Variants in CCDC15 observed in about 807,000 individuals in gnomAD.
CCDC15 encodes coiled-coil domain-containing protein 15.
Under a neutral mutation model 114.5 loss-of-function variants are expected in CCDC15, and 105 were observed. The ratio of observed to expected loss-of-function variants is 0.92; its 90% CI spans 0.78 to 1.08. The LOEUF is 1.08. CCDC15 is among the 50% of genes least tolerant of loss of function. The probability of loss-of-function intolerance (pLI) is 0.00; values close to 1 mark genes in which losing one functional copy is unlikely to be tolerated. For synonymous variants in CCDC15, 334 were observed against 377.8 expected (o/e 0.88, Z 1.34); for missense variants, 1,105 against 1,093.6 (o/e 1.01, Z -0.15).
rs776634920 is a variant in CCDC15, at chr11:124,987,433, G to A, written c.1207G>A (p.Gly403Arg). The A allele has an allele frequency of 6.2e-7, 1 of 1,613,952 alleles. No individual in the cohort carries two copies. The highest frequency in any genetic ancestry group is 1.1e-5 in the South Asian group (1 of 91,080). Residue 403 changes from glycine to arginine, a missense_variant, in exon 8 of 16, where the codon GGG becomes AGG. Gly to Arg is a moderately radical substitution (Grantham distance 125, BLOSUM62 -2). Coordinates refer to ENST00000344762, the MANE Select transcript of CCDC15 (RefSeq NM_025004.3). ...LKAQSIELEE[G>R]SIVLKTQDFL... ...AGCCCAGAGTATTGAGCTAGAAGAA[G>A]GGAGTATTGTGTTGAAAACCCAGGA...
rs114119497 is a variant in CCDC15, at chr11:125,007,514, T to G, written c.2411+2302T>G. Among the ~76,000 whole-genome samples the G allele has an allele frequency of 9.7e-3, 1,474 of 152,334 alleles. 19 individuals are homozygous for G. Among genetic ancestry groups the G allele is most frequent in the African/African-American group, 0.034 (1,405 of 41,576 alleles). On this transcript the variant is annotated intron_variant, in intron 13 of 15. Transcript: ENST00000344762. ...TTAGGTTGATTCAATATCTTGACAA[T>G]TGTGAATGGTGCCACAGTAAACATG... is the stretch of plus-strand genomic sequence containing the variant.
At chr11:125,016,297 C>T (rs1003824993) in intron 13 of CCDC15, among the ~76,000 whole-genome samples, 1 of 150,728 alleles carries the variant, frequency 6.6e-6, no homozygotes, top group Non-Finnish European at 1.5e-5. Flanking sequence ...TTTTTTTCCT[C>T]ACATGCTTTT....
intron 9 of CCDC15, among the ~76,000 whole-genome samples, chr11:124,992,367 AGTTT>A (rs1170336243): frequency 2.0e-5 from 3 of 152,230 alleles, no homozygotes; most frequent in Non-Finnish European, 4.4e-5. Flanking sequence ...GGATTTGATG[AGTTT>A]GTCAGACTAT....
At chr11:125,025,098 A>ATATATATATGAATATATATATGAG (rs1948690691) in intron 13 of CCDC15, among the ~76,000 whole-genome samples, 5 of 120,300 alleles carry the variant, frequency 4.2e-5, no homozygotes, top group African/African-American at 1.6e-4. Flanking sequence ...ATATATATGA[A>ATATATATATGAATATATATATGAG]TATATATGAA....
chr11:125,028,293 T>C lies in CCDC15; in HGVS notation c.2412-10138T>C, dbSNP rs150655769. Among the ~76,000 whole-genome samples the C allele has an allele frequency of 2.6e-5, 4 of 152,318 alleles. No homozygotes were observed. The East Asian group carries it at 7.7e-4, about 29-fold the overall frequency. On this transcript the variant is annotated intron_variant, in intron 13 of 15. Transcript: ENST00000344762. ...GTTAGCATTGTTTTTTCTATTTCTG[T>C]GAAGAATGATGGTGGTATTTTGATG...
chr11:125,038,898 C>G (rs1231194180), intron 14 of CCDC15, 23 bp from the exon 15 acceptor site: 8 of 1,595,230 alleles, frequency 5.0e-6, no homozygotes, highest in Non-Finnish European at 5.1e-6. Flanking sequence ...TTCACTTTGC[C>G]TGATTATACT....
chr11:124,986,710 C>CGT (rs1381781571), intron 6 of CCDC15, 32 bp from the exon 7 acceptor site: 12 of 1,423,578 alleles, frequency 8.4e-6, no homozygotes, highest in African/African-American at 8.2e-5. Flanking sequence ...TGCGCGCGCG[C>CGT]GCGTGCGCGT....
chr11:124,986,700 T>TGTGTGTGTGTGTGCGCGCGCGCGC (rs878887902), intron 6 of CCDC15, 42 bp from the exon 7 acceptor site: 2 of 1,298,018 alleles, frequency 1.5e-6, no homozygotes, highest in Admixed American at 2.5e-5. Flanking sequence ...TTTGTGTGTG[T>TGTGTGTGTGTGTGCGCGCGCGCGC]GCGCGCGCGC....
intron 4 of CCDC15, among the ~76,000 whole-genome samples, chr11:124,971,658 A>G (rs146873031): frequency 2.0e-4 from 31 of 152,086 alleles, no homozygotes; most frequent in African/African-American, 7.2e-5. Flanking sequence ...TTTTACACTG[A>G]GTTTTATTGA....
At chr11:124,989,572 T>C (rs1948235375) in intron 8 of CCDC15, among the ~76,000 whole-genome samples, 1 of 152,238 alleles carries the variant, frequency 6.6e-6, no homozygotes, top group Non-Finnish European at 1.5e-5. Flanking sequence ...CTAGTCATCT[T>C]CTTCCAATAT....
At position 124,988,071 on chromosome 11, in the gene CCDC15, T is replaced by G; in HGVS notation, c.1845T>G (p.Val615=). 1.2e-6 allele frequency: 2 copies of G among 1,613,994 alleles called. No individual in the cohort carries two copies. Among genetic ancestry groups the G allele is most frequent in the Non-Finnish European group, 1.7e-6 (2 of 1,179,886 alleles). The change falls in exon 8 of 16, where the codon GTT becomes GTG. Residue 615 remains valine (V), a synonymous_variant. Coordinates refer to ENST00000344762, the MANE Select transcript of CCDC15 (RefSeq NM_025004.3). ...DRDFLPRDLH[V]LSNDQNILPK... The stretch of plus-strand genomic sequence containing the variant: ...ATTTTCTACCCAGAGACCTGCATGT[T>G]CTCTCCAACGACCAGAATATTCTAC...
At chr11:124,982,825 G>T (rs1414064172) in intron 6 of CCDC15, among the ~76,000 whole-genome samples, 1 of 152,140 alleles carries the variant, frequency 6.6e-6, no homozygotes, top group African/African-American at 2.4e-5. Flanking sequence ...TCCTGAATTT[G>T]AATGTTGGCC....
At chr11:124,964,455 T>C (rs902841111) in intron 4 of CCDC15, among the ~76,000 whole-genome samples, 1 of 152,194 alleles carries the variant, frequency 6.6e-6, no homozygotes, top group Non-Finnish European at 1.5e-5. Flanking sequence ...CTGTTATTGG[T>C]GTGTCGGAAT....
intron 13 of CCDC15, among the ~76,000 whole-genome samples, chr11:125,011,076 A>G (rs910029925): frequency 1.3e-5 from 2 of 152,114 alleles, no homozygotes; most frequent in South Asian, 2.1e-4. Context: ...TAGTCATTGG[A>G]CCTAAAAGTT....
intron 4 of CCDC15, among the ~76,000 whole-genome samples, chr11:124,970,419 A>T (rs944382942): frequency 2.6e-5 from 4 of 152,066 alleles, no homozygotes; most frequent in Non-Finnish European, 5.9e-5. Context: ...GGCTCATGTG[A>T]GTTCAACTTT....
intron 4 of CCDC15, among the ~76,000 whole-genome samples, chr11:124,966,225 A>C (rs879541678): frequency 2.0e-5 from 3 of 152,140 alleles, no homozygotes; most frequent in Non-Finnish European, 2.9e-5. Flanking sequence ...TGATCTGTCT[A>C]ATATTGACAG....
intron 10 of CCDC15, 135 bp downstream of exon 10, chr11:124,992,822 G>A: frequency 1.7e-6 from 1 of 580,726 alleles, no homozygotes. Flanking sequence ...CCAGAATTAA[G>A]CTAAGAGTAT....
intron 13 of CCDC15, among the ~76,000 whole-genome samples, chr11:125,010,382 T>C (rs1295775034): frequency 2.7e-5 from 4 of 147,542 alleles, no homozygotes; most frequent in African/African-American, 9.9e-5. Context: ...TGCCTGGTGT[T>C]TTTTTTTTTT....
In CCDC15 at chr11:124,959,153, G is replaced by A; in HGVS notation, c.216G>A (p.Gln72=). 1.3e-6 allele frequency: 2 copies of A among 1,586,432 alleles called. No individual in the cohort carries two copies. The highest frequency in any genetic ancestry group is 1.7e-6 in the Non-Finnish European group (2 of 1,167,574). ...TAATTGAAGAAGAACTAAAGGAACA[G>A]CTAAGAAAAAAACAAGAAGCTTTGA... is the stretch of plus-strand genomic sequence containing the variant. The part of the protein sequence containing the change: ...AYLIEEELKE[Q]LRKKQEALKH... Residue 72 remains glutamine, a synonymous_variant, in exon 3 of 16, where the codon CAG becomes CAA. Transcript: ENST00000344762.
Sources: allele counts gnomAD v4.1 joint callset (sites outside exome capture counted in the v4.1 genomes callset), GRCh38; gene constraint gnomAD v4.1.1; transcripts MANE v1.5; gene names NCBI Gene and HGNC (gene_info 2026-07-23, HGNC 2026-07-21).